The following FAM53B variants were observed in gnomAD, a reference collection of about 807,000 sequenced individuals.
FAM53B encodes the protein family with sequence similarity 53 member B, also known as protein FAM53B.
In FAM53B, 12 loss-of-function variants were observed where a neutral mutation model predicts 32.7. That is an observed-to-expected ratio of 0.37 (90% CI 0.24 to 0.59). The LOEUF (loss-of-function observed/expected upper bound fraction) is 0.59. Among genes scored for constraint, FAM53B ranks in the 20% least tolerant of loss-of-function variants. The pLI is 0.72. For synonymous variants in FAM53B, 234 were observed against 228.7 expected, an observed-to-expected ratio of 1.02 and a Z score of -0.21; for missense variants, 477 against 577.7, an observed-to-expected ratio of 0.83 and a Z score of 1.79.
chr10:124,654,653 C>T (rs930804961), intron 4 of FAM53B, among the ~76,000 whole-genome samples: 3 of 152,198 alleles, frequency 2.0e-5, no homozygotes, highest in South Asian at 2.1e-4. Flanking sequence ...ACCCCCAGCT[C>T]GGGTGGTGGC....
chr10:124,676,799 A>G (rs1031599007), intron 4 of FAM53B, among the ~76,000 whole-genome samples: 13 of 152,100 alleles, frequency 8.5e-5, no homozygotes, highest in African/African-American at 2.9e-4. Context: ...CTTCCCAAAG[A>G]CGTGCTGGCA....
At chr10:124,723,509 C>G (rs1193897496) in intron 1 of FAM53B, among the ~76,000 whole-genome samples, 1 of 152,266 alleles carries the variant, frequency 6.6e-6, no homozygotes, top group Non-Finnish European at 1.5e-5. Context: ...CATACTCACA[C>G]CTCCTCAGGA....
intron 3 of FAM53B, among the ~76,000 whole-genome samples, 156 bp downstream of exon 3, chr10:124,696,002 G>A (rs956404410): frequency 2.6e-5 from 4 of 152,174 alleles, no homozygotes; most frequent in South Asian, 2.1e-4. Flanking sequence ...CTCAGGCACC[G>A]TAGGGGACCA....
intron 4 of FAM53B, among the ~76,000 whole-genome samples, chr10:124,673,865 G>A (rs1564874148): frequency 6.6e-6 from 1 of 152,194 alleles, no homozygotes; most frequent in African/African-American, 2.4e-5. Context: ...CAGTGTGTTG[G>A]CTTCCCAGAT....
Position 124,682,380 on chromosome 10 carries a change from C to A in FAM53B, c.134-1G>T. 6.3e-7 allele frequency: 1 copy of A among 1,592,594 alleles called. No homozygotes were observed. ...TCCAGGTCTCGCCATCTGTCATTTT[C>A]TGGTTCATAAATGACAAGGAGAAAA... On this transcript the variant is annotated splice_acceptor_variant, in intron 3 of 4. Transcript: ENST00000337318. LOFTEE classifies it high-confidence loss of function. The surrounding 1 kb of genome is among the most constrained non-coding windows in gnomAD (Gnocchi z 5.2).
intron 3 of FAM53B, among the ~76,000 whole-genome samples, chr10:124,690,586 C>T (rs1391406549): frequency 1.3e-5 from 2 of 152,194 alleles, no homozygotes; most frequent in African/African-American, 2.4e-5. Flanking sequence ...TGTCTTCACT[C>T]GTCACTGGCA....
At chr10:124,625,405 A>G (rs1472494352) in intron 4 of FAM53B, among the ~76,000 whole-genome samples, 4 of 152,336 alleles carry the variant, frequency 2.6e-5, no homozygotes, top group East Asian at 1.9e-4. Flanking sequence ...TGGCCCCCCA[A>G]GGAGCCACAG....
chr10:124,688,386 G>A (rs1261444251), intron 3 of FAM53B, among the ~76,000 whole-genome samples: 1 of 152,218 alleles, frequency 6.6e-6, no homozygotes, highest in East Asian at 1.9e-4. Flanking sequence ...CGTCCCCACT[G>A]AGCATTATCT....
chr10:124,662,236 C>T (rs1486271425), intron 4 of FAM53B, among the ~76,000 whole-genome samples: 3 of 152,236 alleles, frequency 2.0e-5, no homozygotes, highest in Non-Finnish European at 4.4e-5. Flanking sequence ...CAACAATACC[C>T]ACTTTCCAGG....
At chr10:124,692,474 G>A (rs1047455745) in intron 3 of FAM53B, among the ~76,000 whole-genome samples, 1 of 151,930 alleles carries the variant, frequency 6.6e-6, no homozygotes, top group Non-Finnish European at 1.5e-5. Context: ...CAGCACTTTG[G>A]GAGGCTGAGG....
At chr10:124,701,240 A>C (rs191829462) in intron 2 of FAM53B, among the ~76,000 whole-genome samples, 28 of 152,370 alleles carry the variant, frequency 1.8e-4, no homozygotes, top group Admixed American at 1.0e-3. Flanking sequence ...GAAGAACCCC[A>C]GTGCCCAGGC....
At chr10:124,654,906 C>T (rs1169646107) in intron 4 of FAM53B, among the ~76,000 whole-genome samples, 1 of 152,210 alleles carries the variant, frequency 6.6e-6, no homozygotes, top group Non-Finnish European at 1.5e-5. Context: ...CCAGGCCCCT[C>T]GGGCTCCTTT....
intron 4 of FAM53B, among the ~76,000 whole-genome samples, chr10:124,680,795 AAC>A (rs1949765348): frequency 6.6e-6 from 1 of 152,180 alleles, no homozygotes; most frequent in East Asian, 1.9e-4. Flanking sequence ...ACACAGAACC[AAC>A]AGTGTTGTGT....
chr10:124,741,069 A>G (rs944194921), intron 1 of FAM53B, among the ~76,000 whole-genome samples: 1 of 152,248 alleles, frequency 6.6e-6, no homozygotes, highest in African/African-American at 2.4e-5. Flanking sequence ...TGGGGTTTGC[A>G]AGGACTAGTT....
chr10:124,626,895 G>A (rs1324097490), intron 4 of FAM53B, among the ~76,000 whole-genome samples: 1 of 152,244 alleles, frequency 6.6e-6, no homozygotes, highest in Non-Finnish European at 1.5e-5. Flanking sequence ...TGCCTGCCGA[G>A]TCAGGGTGTT....
At chr10:124,648,293 C>T (rs1949532903) in intron 4 of FAM53B, among the ~76,000 whole-genome samples, 1 of 152,250 alleles carries the variant, frequency 6.6e-6, no homozygotes, top group African/African-American at 2.4e-5. Context: ...AGGAAACCTC[C>T]AGGATGGAGA....
chr10:124,702,596 T>C lies in FAM53B; in HGVS notation c.78+4040A>G, dbSNP rs576051741. ...CAGACAAGGGCCTGGACTTGAAATC[T>C]GTGACCAGGGCAGCCCCTCCCTGGG... On this transcript the variant is annotated intron_variant, in intron 2 of 4. Coordinates refer to ENST00000337318, the MANE Select transcript of FAM53B (RefSeq NM_014661.4). 7.2e-5 allele frequency among the ~76,000 whole-genome samples: 11 copies of C among 152,334 alleles called. No homozygotes were observed. In the East Asian group the frequency reaches 2.1e-3, roughly 29 times the overall value.
chr10:124,661,706 T>C (rs1182004895), intron 4 of FAM53B, among the ~76,000 whole-genome samples: 1 of 152,194 alleles, frequency 6.6e-6, no homozygotes, highest in Non-Finnish European at 1.5e-5. Context: ...CTTCAACAGG[T>C]TCCTGGGCTC....
Position 124,706,648 on chromosome 10 carries a change from G to A in FAM53B, c.66C>T (p.Phe22=), listed in dbSNP as rs1179440331. The A allele has an allele frequency of 6.2e-7, 1 of 1,614,226 alleles. No homozygotes were observed. The highest frequency in any genetic ancestry group is 8.5e-7 in the Non-Finnish European group (1 of 1,180,042). ...RGADSIACGT[F]SRELHTPKKM... ...GCCAGGTCCTCACCAGTTCACGGCT[G>A]AAGGTCCCACATGCAATGGAGTCAG... The change falls in exon 2 of 5, where the codon TTC becomes TTT. Residue 22 remains phenylalanine, a synonymous_variant. Coordinates refer to ENST00000337318, the MANE Select transcript of FAM53B (RefSeq NM_014661.4).
Sources: allele counts gnomAD v4.1 joint callset (sites outside exome capture counted in the v4.1 genomes callset), GRCh38; gene constraint gnomAD v4.1.1; non-coding constraint Gnocchi (gnomAD v3.1); transcripts MANE v1.5; gene names NCBI Gene and HGNC (gene_info 2026-07-23, HGNC 2026-07-21).